Variants in PLOD2 observed in about 807,000 individuals in gnomAD.
PLOD2 encodes lysine hydroxylase 2.
PLOD2 carries 65 observed loss-of-function variants against 101.0 expected under a neutral mutation model. The observed-to-expected ratio is 0.64, with a 90% CI of 0.53 to 0.79. The LOEUF (loss-of-function observed/expected upper bound fraction) is 0.79. Ranked by LOEUF, PLOD2 falls within the 30% of genes least tolerant of loss-of-function variation. The pLI is 0.00. For synonymous variants in PLOD2, 314 were observed against 302.9 expected (o/e 1.04, Z -0.38); for missense variants, 909 against 914.6 (o/e 0.99, Z 0.08).
intron 14 of PLOD2, 91 bp downstream of exon 14, chr3:146,077,771 A>C (rs1936396034): frequency 2.8e-6 from 2 of 720,650 alleles, no homozygotes; most frequent in Non-Finnish European, 4.7e-6. Context: ...GCTAAATGCA[A>C]ATAAGGCCCT....
rs191102237 is a variant in PLOD2, at chr3:146,088,767, A to C, written c.880-56T>G. 6 of 1,371,138 alleles carry C rather than the reference A, an allele frequency of 4.4e-6. No individual in the cohort carries two copies. The Admixed American group carries it at 8.7e-5, about 20-fold the overall frequency. The allele number at this position is 1,371,138 out of a possible 1,614,324, so 84.9% of individuals were successfully genotyped here. On this transcript the variant is annotated intron_variant, in intron 8 of 19. Transcript: ENST00000282903. Reference sequence around the variant, plus strand: ...TTATCATTAGTATGGTTTTGTTTTAAATTTTATTCAAATGTTAATCAGCAT... The same window carrying C: ...TTATCATTAGTATGGTTTTGTTTTACATTTTATTCAAATGTTAATCAGCAT...
In PLOD2 at chr3:146,081,871, C is replaced by T; in HGVS notation, c.1233-8G>A. The T allele has an allele frequency of 6.2e-7, 1 of 1,610,926 alleles. No homozygotes were observed. The highest frequency in any genetic ancestry group is 8.5e-7 in the Non-Finnish European group (1 of 1,177,530). On this transcript the variant is annotated splice_region_variant and splice_polypyrimidine_tract_variant and intron_variant, in intron 11 of 19. Transcript: ENST00000282903. ...AGAGGAGCAATGATCTTTCTAAAGA[C>T]AGAGAGAGTGTGTGTGAGAGAGAGA...
intron 13 of PLOD2, among the ~76,000 whole-genome samples, chr3:146,078,896 T>C (rs552765792): frequency 1.1e-3 from 166 of 152,030 alleles, no homozygotes; most frequent in African/African-American, 3.7e-3. Context: ...TGCCTATGAA[T>C]TAGCCCGAGC....
At chr3:146,125,262 T>C (rs1027305805) in intron 1 of PLOD2, among the ~76,000 whole-genome samples, 16 of 152,146 alleles carry the variant, frequency 1.1e-4, no homozygotes, top group Admixed American at 9.2e-4. Context: ...AATAATGCAT[T>C]ATAGGAATCA....
At position 146,121,242 on chromosome 3, in the gene PLOD2, C is replaced by T. The variant is rs2030114507; in HGVS notation, c.208G>A (p.Gly70Ser). Reference sequence around the variant, plus strand: ...CCACCTCTCCATTCTTCTCCTTGACCAAGGACCTATAAACAAAATCAACAT... The same window carrying T: ...CCACCTCTCCATTCTTCTCCTTGACTAAGGACCTATAAACAAAATCAACAT... ...KYFNYTVKVL[G>S]QGEEWRGGDG... The change falls in exon 3 of 20, where the codon GGT becomes AGT. Residue 70 changes from glycine to serine, a missense_variant. Coordinates refer to ENST00000282903, the MANE Select transcript of PLOD2 (RefSeq NM_182943.3). 6.2e-7 allele frequency: 1 copy of T among 1,612,152 alleles called. No homozygotes were observed. Among genetic ancestry groups the T allele is most frequent in the African/African-American group, 1.3e-5 (1 of 74,912 alleles).
chr3:146,113,087 C>T (rs1365635126), intron 3 of PLOD2, among the ~76,000 whole-genome samples: 1 of 152,084 alleles, frequency 6.6e-6, no homozygotes, highest in African/African-American at 2.4e-5. Context: ...AACAGTATAG[C>T]TCAAACTATT....
intron 7 of PLOD2, among the ~76,000 whole-genome samples, chr3:146,092,936 C>T (rs1937025777): frequency 6.6e-6 from 1 of 152,070 alleles, no homozygotes; most frequent in Admixed American, 6.6e-5. Context: ...AATTTTGCCT[C>T]ATGCTATTTA....
In PLOD2 at chr3:146,124,156, A is replaced by G. The variant is rs780128112; in HGVS notation, c.183T>C (p.Tyr61=). The G allele has an allele frequency of 1.3e-6, 2 of 1,570,100 alleles. No individual in the cohort carries two copies. Among genetic ancestry groups the G allele is most frequent in the East Asian group, 2.2e-5 (1 of 44,548 alleles). Residue 61 remains tyrosine (Y), a synonymous_variant, in exon 2 of 20, where the codon TAT becomes TAC. Transcript: ENST00000282903. ...ACCATACCTTCACAGTATAATTGAA[A>G]TATTTGGCTGACTGCATAAATCGAT... ...GFHRFMQSAK[Y]FNYTVKVLGQ... is the part of the protein sequence containing the mutation.
chr3:146,151,485 G>A (rs74923663), intron 1 of PLOD2, among the ~76,000 whole-genome samples: 31,582 of 150,770 alleles, frequency 0.21, 3,470 homozygotes, highest in South Asian at 0.27. Context: ...CAAGAAGAAC[G>A]AAACTCCGTT....
chr3:146,103,993 G>A (rs144184145), intron 6 of PLOD2, among the ~76,000 whole-genome samples: 76 of 152,146 alleles, frequency 5.0e-4, no homozygotes, highest in African/African-American at 1.3e-3. Flanking sequence ...ATAATAAAGT[G>A]TAATTAATTT....
chr3:146,079,306 T>C (rs1357573221), intron 12 of PLOD2, 49 bp from the exon 13 acceptor site: 5 of 1,427,140 alleles, frequency 3.5e-6, no homozygotes, highest in Admixed American at 1.8e-5. Context: ...ACAAACAATT[T>C]TAAGTTTCAT....
chr3:146,096,063 T>A (rs1307845112), intron 7 of PLOD2, among the ~76,000 whole-genome samples: 1 of 149,676 alleles, frequency 6.7e-6, no homozygotes, highest in Non-Finnish European at 1.5e-5. Flanking sequence ...GTTTTCGTTT[T>A]TTTTTGGTGG....
intron 18 of PLOD2, 43 bp from the exon 19 acceptor site, chr3:146,071,210 AAC>A: frequency 6.2e-7 from 1 of 1,610,940 alleles, no homozygotes; most frequent in Non-Finnish European, 8.5e-7. Context: ...TATTAATAAA[AAC>A]ATTAAAAAGA....
At chr3:146,073,394 T>C in intron 15 of PLOD2, 42 bp from the exon 16 acceptor site, 1 of 723,830 alleles carries the variant, frequency 1.4e-6, no homozygotes. Flanking sequence ...TCTTTATAAA[T>C]ACTTCACTGA....
chr3:146,122,017 A>G (rs2030197445), intron 2 of PLOD2, among the ~76,000 whole-genome samples: 1 of 152,190 alleles, frequency 6.6e-6, no homozygotes, highest in African/African-American at 2.4e-5. Context: ...TGCCATTATA[A>G]TGATCTACTA....
intron 7 of PLOD2, among the ~76,000 whole-genome samples, chr3:146,096,815 C>G (rs1223224781): frequency 6.3e-5 from 9 of 143,548 alleles, no homozygotes; most frequent in East Asian, 2.2e-4. Flanking sequence ...CTCCTCTGCC[C>G]GGCCGCCCCT....
chr3:146,125,571 A>C (rs1240607419), intron 1 of PLOD2, among the ~76,000 whole-genome samples: 1 of 151,982 alleles, frequency 6.6e-6, no homozygotes, highest in Non-Finnish European at 1.5e-5. Flanking sequence ...ACATGGTGAA[A>C]CCTCATCTCT....
chr3:146,155,297 C>A lies in PLOD2; in HGVS notation c.109+5584G>T, dbSNP rs568654329. Among the ~76,000 whole-genome samples, 6 of 151,362 alleles carry A rather than the reference C, an allele frequency of 4.0e-5. No homozygotes were observed. In the East Asian group the frequency reaches 1.2e-3, roughly 29 times the overall value. ...TATGATAGCGTCACTGCATTCTAGC[C>A]TGACCTACAGAGTGAGACCCTGTCT... On this transcript the variant is annotated intron_variant, in intron 1 of 19. Coordinates refer to ENST00000282903, the MANE Select transcript of PLOD2 (RefSeq NM_182943.3).
chr3:146,133,506 C>G (rs958798194), intron 1 of PLOD2, among the ~76,000 whole-genome samples: 4 of 152,092 alleles, frequency 2.6e-5, no homozygotes, highest in African/African-American at 7.2e-5. Context: ...TCTACTTCTG[C>G]GTCTCAACAA....
Sources: allele counts gnomAD v4.1 joint callset (sites outside exome capture counted in the v4.1 genomes callset), GRCh38; gene constraint gnomAD v4.1.1; transcripts MANE v1.5; gene names NCBI Gene and HGNC (gene_info 2026-07-23, HGNC 2026-07-21).